The following SLC4A10 variants were observed in gnomAD, a reference collection of about 807,000 sequenced individuals.
The protein encoded by SLC4A10 is sodium-driven chloride bicarbonate exchanger.
SLC4A10 carries 42 observed loss-of-function variants against 137.7 expected under a neutral mutation model. The observed-to-expected ratio is 0.30, with a 90% CI of 0.24 to 0.39. SLC4A10 has a LOEUF of 0.39. SLC4A10 is among the 10% of genes least tolerant of loss of function. The pLI is 1.00. For missense variants in SLC4A10, 925 were observed against 1,355.0 expected (o/e 0.68, Z 4.98); for synonymous variants, 474 against 464.1 (o/e 1.02, Z -0.27).
At chr2:161,823,532 G>A (rs181965328) in intron 3 of SLC4A10, among the ~76,000 whole-genome samples, 3 of 152,272 alleles carry the variant, frequency 2.0e-5, no homozygotes, top group Admixed American at 6.5e-5. Flanking sequence ...CACGGAACCC[G>A]TATGAAGTGC....
intron 1 of SLC4A10, among the ~76,000 whole-genome samples, chr2:161,681,252 T>C (rs1377743499): frequency 6.6e-6 from 1 of 152,176 alleles, no homozygotes; most frequent in Non-Finnish European, 1.5e-5. Context: ...TAATTCCTCA[T>C]TGCCACCATT....
chr2:161,940,226 A>G (rs1692429138), intron 15 of SLC4A10, among the ~76,000 whole-genome samples: 1 of 152,188 alleles, frequency 6.6e-6, no homozygotes, highest in Non-Finnish European at 1.5e-5. Context: ...ACTCTGGACA[A>G]GAACACAGGG....
At chr2:161,854,871 A>C in intron 4 of SLC4A10, 99 bp from the exon 5 acceptor site, 1 of 1,220,220 alleles carries the variant, frequency 8.2e-7, no homozygotes, top group Non-Finnish European at 1.1e-6. Flanking sequence ...ACCAAGACAC[A>C]ATATGACTAT....
chr2:161,929,372 A>G lies in SLC4A10; in HGVS notation c.1998-13420A>G, dbSNP rs376458703. ...GCTTCTTTATGTTCAGATGTTTTAA[A>G]TCAGAATTATAGGACTATATCTATG... On this transcript the variant is annotated intron_variant, in intron 15 of 26. Coordinates refer to ENST00000446997, the MANE Select transcript of SLC4A10 (RefSeq NM_001178015.2). Among the ~76,000 whole-genome samples, 4 of 152,338 alleles carry G rather than the reference A, an allele frequency of 2.6e-5. No individual in the cohort carries two copies. The South Asian group carries it at 8.3e-4, about 32-fold the overall frequency.
At chr2:161,763,956 G>A (rs1335811115) in intron 1 of SLC4A10, among the ~76,000 whole-genome samples, 1 of 152,116 alleles carries the variant, frequency 6.6e-6, no homozygotes, top group African/African-American at 2.4e-5. Flanking sequence ...GGACCATCTG[G>A]CAGAATGGCA....
rs958976774 is a variant in SLC4A10, at chr2:161,738,390, G to A, written c.49-32583G>A. On this transcript the variant is annotated intron_variant, in intron 1 of 26. Transcript: ENST00000446997. ...GTAGATTTAGAGAGACTCCAGCACT[G>A]TCTCATGGTTGGAGAGGATTTATGG... Among the ~76,000 whole-genome samples the A allele has an allele frequency of 2.6e-5, 4 of 152,186 alleles. No homozygotes were observed. The South Asian group carries it at 6.2e-4, about 24-fold the overall frequency.
chr2:161,703,424 AT>A (rs1326352824), intron 1 of SLC4A10, among the ~76,000 whole-genome samples: 1 of 151,676 alleles, frequency 6.6e-6, no homozygotes, highest in Non-Finnish European at 1.5e-5. Flanking sequence ...GTTTACTATC[AT>A]TTTAGGTGTA....
At chr2:161,901,111 T>C in intron 12 of SLC4A10, 100 bp downstream of exon 12, 1 of 844,410 alleles carries the variant, frequency 1.2e-6, no homozygotes, top group Non-Finnish European at 2.0e-6. Flanking sequence ...TTGTATACTT[T>C]TAATACCTGC....
At chr2:161,724,938 T>C (rs1475946396) in intron 1 of SLC4A10, among the ~76,000 whole-genome samples, 1 of 152,136 alleles carries the variant, frequency 6.6e-6, no homozygotes, top group Non-Finnish European at 1.5e-5. Flanking sequence ...TTTTATTCTT[T>C]CTTAACTGTG....
intron 1 of SLC4A10, among the ~76,000 whole-genome samples, chr2:161,755,862 C>T (rs2049574951): frequency 6.6e-6 from 1 of 151,782 alleles, no homozygotes; most frequent in Non-Finnish European, 1.5e-5. Flanking sequence ...CCTCTGCCTC[C>T]CAGGTAAAGA....
rs190869475 is a variant in SLC4A10 at position 161,819,359 on chromosome 2, C to A, written c.277+14764C>A. ...TCATACAAAAAACTTTTAATGCCCA[C>A]AAATAAGTTCAACCTACTTTGGCTA... On this transcript the variant is annotated intron_variant, in intron 3 of 26. Transcript: ENST00000446997. Among the ~76,000 whole-genome samples the A allele has an allele frequency of 1.3e-3, 195 of 152,120 alleles. 1 individual carries two copies. The highest frequency in any genetic ancestry group is 4.5e-3 in the African/African-American group (187 of 41,512).
At chr2:161,751,441 T>C (rs1451453948) in intron 1 of SLC4A10, among the ~76,000 whole-genome samples, 2 of 151,570 alleles carry the variant, frequency 1.3e-5, no homozygotes, top group Non-Finnish European at 3.0e-5. Flanking sequence ...GTGGCTTTCA[T>C]AGTACTTACA....
chr2:161,753,099 A>G lies in SLC4A10; in HGVS notation c.49-17874A>G, dbSNP rs188822871. Among the ~76,000 whole-genome samples, 5 of 152,308 alleles carry G rather than the reference A, an allele frequency of 3.3e-5. No homozygotes were observed. The East Asian group carries it at 7.7e-4, about 23-fold the overall frequency. ...AAAATGAAGTATTTCTCCTATGCAGAGAAACAATTTATTTACAAAGCATTA... is the reference window on the plus strand; with the variant it reads ...AAAATGAAGTATTTCTCCTATGCAGGGAAACAATTTATTTACAAAGCATTA... On this transcript the variant is annotated intron_variant, in intron 1 of 26. Coordinates refer to ENST00000446997, the MANE Select transcript of SLC4A10 (RefSeq NM_001178015.2).
intron 23 of SLC4A10, among the ~76,000 whole-genome samples, chr2:161,967,616 C>T (rs1179818229): frequency 6.6e-6 from 1 of 152,136 alleles, no homozygotes; most frequent in Non-Finnish European, 1.5e-5. Flanking sequence ...GTCACTCTCT[C>T]ACTCACCAGA....
intron 1 of SLC4A10, among the ~76,000 whole-genome samples, chr2:161,707,027 T>A (rs1182536816): frequency 1.3e-5 from 2 of 151,510 alleles, no homozygotes; most frequent in Non-Finnish European, 3.0e-5. Flanking sequence ...CAGGAAAGAA[T>A]GAATATAGAA....
chr2:161,642,675 C>T (rs2035474158), intron 1 of SLC4A10, among the ~76,000 whole-genome samples: 1 of 151,910 alleles, frequency 6.6e-6, no homozygotes, highest in African/African-American at 2.4e-5. Context: ...GCTTTCCCGT[C>T]TTTTAAGAAA....
At chr2:161,850,896 T>G in intron 4 of SLC4A10, among the ~76,000 whole-genome samples, 1 of 152,144 alleles carries the variant, frequency 6.6e-6, no homozygotes, top group East Asian at 1.9e-4. Flanking sequence ...GTCCCAGAGA[T>G]TCTAGTATGT....
chr2:161,666,986 G>T (rs890453810), intron 1 of SLC4A10, among the ~76,000 whole-genome samples: 1 of 151,530 alleles, frequency 6.6e-6, no homozygotes, highest in African/African-American at 2.4e-5. Context: ...CATTTCTAAC[G>T]TTAAAAAATG....
intron 10 of SLC4A10, among the ~76,000 whole-genome samples, chr2:161,884,382 C>G (rs1360830102): frequency 6.6e-6 from 1 of 152,098 alleles, no homozygotes; most frequent in Non-Finnish European, 1.5e-5. Context: ...CTCTACTTCC[C>G]CAATTGGGAA....
Sources: allele counts gnomAD v4.1 joint callset (sites outside exome capture counted in the v4.1 genomes callset), GRCh38; gene constraint gnomAD v4.1.1; transcripts MANE v1.5; gene names NCBI Gene and HGNC (gene_info 2026-07-23, HGNC 2026-07-21).